The following UBE3B variants were observed in gnomAD, a reference collection of about 807,000 sequenced individuals.
UBE3B encodes ubiquitin-protein ligase E3B.
Under a neutral mutation model 132.3 loss-of-function variants are expected in UBE3B, and 80 were observed. That is an observed-to-expected ratio of 0.60 (90% CI 0.50 to 0.73). UBE3B has a LOEUF of 0.73. Ranked by LOEUF, UBE3B falls within the 30% of genes least tolerant of loss-of-function variation. The probability of loss-of-function intolerance (pLI) is 0.00; values close to 1 mark genes in which losing one functional copy is unlikely to be tolerated. For missense variants in UBE3B, 1,196 were observed against 1,362.5 expected, an observed-to-expected ratio of 0.88 and a Z score of 1.92; for synonymous variants, 487 against 520.4, an observed-to-expected ratio of 0.94 and a Z score of 0.87.
Position 109,509,730 on chromosome 12 carries a change from T to G in UBE3B, c.1741+16T>G. 1 of 1,564,774 alleles carries G rather than the reference T, an allele frequency of 6.4e-7. No individual in the cohort carries two copies. The highest frequency in any genetic ancestry group is 8.7e-7 in the Non-Finnish European group (1 of 1,148,554). On this transcript the variant is annotated intron_variant, in intron 16 of 27. Transcript: ENST00000342494. Reference sequence around the variant, plus strand: ...GGAATTGTAGGTAAGAGAAAAGGTGTCTGCTGTTGTTTGGTTGATGCTGCA... The same window carrying G: ...GGAATTGTAGGTAAGAGAAAAGGTGGCTGCTGTTGTTTGGTTGATGCTGCA...
chr12:109,478,860 A>C (rs1874819236), intron 1 of UBE3B, among the ~76,000 whole-genome samples: 1 of 152,250 alleles, frequency 6.6e-6, no homozygotes, highest in South Asian at 2.1e-4. Context: ...TGTCTGATAC[A>C]CCGTCTGCCC....
intron 26 of UBE3B, 79 bp from the exon 27 acceptor site, chr12:109,533,387 C>A: frequency 7.7e-7 from 1 of 1,300,696 alleles, no homozygotes; most frequent in Non-Finnish European, 1.1e-6. Context: ...AGAGCAAACA[C>A]GTGCTACACA....
chr12:109,517,016 GGAA>G, intron 19 of UBE3B, 132 bp downstream of exon 19: 1 of 1,362,386 alleles, frequency 7.3e-7, no homozygotes, highest in Non-Finnish European at 9.7e-7. Context: ...TCTGGGAGCA[GGAA>G]AGGGGTCATT....
intron 15 of UBE3B, 161 bp from the exon 16 acceptor site, chr12:109,509,434 CT>C (rs1330673403): frequency 5.7e-6 from 3 of 527,028 alleles, no homozygotes; most frequent in East Asian, 3.2e-5. Flanking sequence ...CCCCCTACCC[CT>C]GATGATATCA....
At chr12:109,483,196 TTGAATTAGA>T (rs1875777356) in intron 2 of UBE3B, among the ~76,000 whole-genome samples, 1 of 152,204 alleles carries the variant, frequency 6.6e-6, no homozygotes, top group African/African-American at 2.4e-5. Context: ...GATACCTGGT[TTGAATTAGA>T]GCTTTATGGG....
chr12:109,509,727 G>GC lies in UBE3B; in HGVS notation c.1741+13_1741+14insC. The GC allele has an allele frequency of 6.4e-7, 1 of 1,570,378 alleles. No homozygotes were observed. Among genetic ancestry groups the GC allele is most frequent in the Non-Finnish European group, 8.7e-7 (1 of 1,152,344 alleles). ...GATGGAATTGTAGGTAAGAGAAAAG[G>GC]TGTCTGCTGTTGTTTGGTTGATGCT... On this transcript the variant is annotated intron_variant, in intron 16 of 27. Coordinates refer to ENST00000342494, the MANE Select transcript of UBE3B (RefSeq NM_130466.4).
intron 14 of UBE3B, among the ~76,000 whole-genome samples, chr12:109,506,457 T>C (rs1313546060): frequency 6.6e-6 from 1 of 152,234 alleles, no homozygotes; most frequent in East Asian, 1.9e-4. Context: ...CAAGCGATTC[T>C]CCTGCCTCAG....
intron 25 of UBE3B, 82 bp from the exon 26 acceptor site, chr12:109,530,465 C>T (rs911004569): frequency 1.7e-6 from 2 of 1,196,040 alleles, no homozygotes; most frequent in African/African-American, 1.5e-5. Flanking sequence ...GTGGACCGTG[C>T]CAGCTGTCTG....
rs1316387106 is a variant in UBE3B, at chr12:109,521,738, A to G, written c.2364+187A>G. 2.6e-5 allele frequency among the ~76,000 whole-genome samples: 4 copies of G among 152,140 alleles called. No homozygotes were observed. Among genetic ancestry groups the G allele is most frequent in the African/African-American group, 9.7e-5 (4 of 41,418 alleles). On this transcript the variant is annotated intron_variant, in intron 21 of 27. Coordinates refer to ENST00000342494, the MANE Select transcript of UBE3B (RefSeq NM_130466.4). This position sits in a 1 kb window ranked among gnomAD's most constrained non-coding sequence, Gnocchi z 4.2. ...TACTTTGCCTGTGGCATCTCATCTC[A>G]TCCCATCGACAGCCCTGTGACGGGG...
chr12:109,494,441 G>A (rs920500577), intron 9 of UBE3B, among the ~76,000 whole-genome samples: 4 of 152,124 alleles, frequency 2.6e-5, no homozygotes, highest in Non-Finnish European at 4.4e-5. Context: ...ACCACTAGCC[G>A]TGGCTTCTGT....
downstream of UBE3B, among the ~76,000 whole-genome samples, chr12:109,541,140 G>A (rs1426333464): frequency 6.6e-6 from 1 of 152,216 alleles, no homozygotes; most frequent in East Asian, 1.9e-4. Flanking sequence ...ACCTGCCTGC[G>A]GCTGAGTGGC....
chr12:109,486,038 C>G lies in UBE3B; in HGVS notation c.309C>G (p.Ile103Met). ...GATTTGAGAAGTTGTGTCGCAGCAT[C>G]CTGAGCAGCATGGATGCTGAGAATG... ...NERFEKLCRS[I>M]LSSMDAENEP... The change falls in exon 5 of 28, where the codon ATC becomes ATG. Residue 103 changes from isoleucine (I) to methionine (M), a missense_variant. Transcript: ENST00000342494. 1 of 1,555,248 alleles carries G rather than the reference C, an allele frequency of 6.4e-7. No homozygotes were observed. Among genetic ancestry groups the G allele is most frequent in the Non-Finnish European group, 8.7e-7 (1 of 1,148,720 alleles).
At chr12:109,544,615 C>T in the UBE3B span, among the ~76,000 whole-genome samples, 1 of 152,190 alleles carries the variant, frequency 6.6e-6, no homozygotes, top group Admixed American at 6.5e-5. Flanking sequence ...ATCCCCCCAG[C>T]CCATGCACTC....
At chr12:109,514,347 A>G (rs1211330345) in intron 18 of UBE3B, among the ~76,000 whole-genome samples, 5 of 152,156 alleles carry the variant, frequency 3.3e-5, no homozygotes, top group Admixed American at 3.3e-4. Context: ...TAGAATGGGG[A>G]GAATGATCCG....
intron 15 of UBE3B, chr12:109,508,592 T>C: frequency 1.0e-6 from 1 of 985,598 alleles, no homozygotes; most frequent in Non-Finnish European, 1.2e-6. Context: ...TGGAAGACTT[T>C]AGCCGGAGAG....
In UBE3B at chr12:109,522,151, C is replaced by T. The variant is rs1717577567; in HGVS notation, c.2364+600C>T. Among the ~76,000 whole-genome samples, 3 of 152,190 alleles carry T rather than the reference C, an allele frequency of 2.0e-5. No homozygotes were observed. The highest frequency in any genetic ancestry group is 7.2e-5 in the African/African-American group (3 of 41,440). On this transcript the variant is annotated intron_variant, in intron 21 of 27. Coordinates refer to ENST00000342494, the MANE Select transcript of UBE3B (RefSeq NM_130466.4). This position sits in a 1 kb window ranked among gnomAD's most constrained non-coding sequence, Gnocchi z 4.2. ...AGTAAAGTGGAGATAAGAAAAGCCA[C>T]ATTCCTGGGTTGCCGTTAATGGTAA...
chr12:109,486,580 CAAAAAAAAAAAA>C lies in UBE3B; in HGVS notation c.447+17_447+28del, dbSNP rs201336062. On this transcript the variant is annotated splice_donor_region_variant and intron_variant, in intron 6 of 27. Transcript: ENST00000342494. The stretch of plus-strand genomic sequence containing the variant: ...GATTTTCTCAAGCAGCTCAAGGTAA[CAAAAAAAAAAAA>C]AAAAAAAAAAAGCAAAACCAGAAAC... 7.8e-5 allele frequency: 44 copies of C among 562,688 alleles called. No homozygotes were observed. The highest frequency in any genetic ancestry group is 2.4e-4 in the Admixed American group (5 of 20,852). 34.9% of individuals were successfully genotyped at this position (562,688 alleles called of 1,614,324 possible). A position where few individuals can be genotyped will look rare whatever the true frequency, so the allele number is the denominator to read the frequency against.
At position 109,511,284 on chromosome 12, in the gene UBE3B, A is replaced by T; in HGVS notation, c.1937A>T (p.His646Leu). ...CAGTTGATCCTGCAGTACATCCCAC[A>T]TGTCATCCCTCACAAAAACGTGAGT... ...RAQLILQYIP[H>L]VIPHKNRVLL... The change falls in exon 18 of 28, where the codon CAT becomes CTT. Residue 646 changes from histidine (H) to leucine (L), a missense_variant. By Grantham distance (99) the His-to-Leu change is moderately conservative. Transcript: ENST00000342494. 1 of 1,614,086 alleles carries T rather than the reference A, an allele frequency of 6.2e-7. No homozygotes were observed. Among genetic ancestry groups the T allele is most frequent in the Non-Finnish European group, 8.5e-7 (1 of 1,179,974 alleles).
At chr12:109,501,584 C>T (rs781150216) in intron 13 of UBE3B, 50 bp downstream of exon 13, 1 of 1,579,220 alleles carries the variant, frequency 6.3e-7, no homozygotes, top group Non-Finnish European at 8.6e-7. Flanking sequence ...GGCTGAAGTA[C>T]AGCTCCTGTT....
Sources: gnomAD v4.1 joint callset for allele counts (sites outside exome capture counted in the v4.1 genomes callset) on GRCh38, gnomAD v4.1.1 for gene constraint, Gnocchi (gnomAD v3.1) non-coding constraint, MANE v1.5 for transcripts, NCBI Gene and HGNC (gene_info 2026-07-23, HGNC 2026-07-21) for gene names.